Variants in DTX4 observed in about 807,000 individuals in gnomAD.
The protein encoded by DTX4 is deltex E3 ubiquitin ligase 4.
A neutral mutation model predicts 57.6 loss-of-function variants in DTX4; 28 were observed. The observed-to-expected ratio is 0.49, with a 90% CI of 0.36 to 0.67. DTX4 has a LOEUF of 0.67. Among genes scored for constraint, DTX4 ranks in the 30% least tolerant of loss-of-function variants. The probability of loss-of-function intolerance (pLI) is 0.00; values close to 1 mark genes in which losing one functional copy is unlikely to be tolerated. For synonymous variants in DTX4, 316 were observed against 331.0 expected, an observed-to-expected ratio of 0.95 and a Z score of 0.49; for missense variants, 715 against 836.8, an observed-to-expected ratio of 0.85 and a Z score of 1.80.
At chr11:59,197,247 G>T (rs1862683661) in intron 7 of DTX4, among the ~76,000 whole-genome samples, 1 of 152,172 alleles carries the variant, frequency 6.6e-6, no homozygotes. Flanking sequence ...TGTCTGGAAG[G>T]GTTAGAGGAG....
rs542889400 is a variant in DTX4, at chr11:59,182,267, G to A, written c.740G>A (p.Arg247Gln). The change falls in exon 2 of 9, where the codon CGA (arginine) becomes CAA (glutamine). Residue 247 changes from arginine (R) to glutamine (Q), a missense_variant. Transcript: ENST00000227451. ...AKPLDSTGTIRGPLKTAPSQV... is the reference protein window; with the variant it reads ...AKPLDSTGTIQGPLKTAPSQV... Reference sequence around the variant, plus strand: ...CCACTGGACAGCACAGGCACCATTCGAGGCCCACTGAAGACCGCCCCATCG... The same window carrying A: ...CCACTGGACAGCACAGGCACCATTCAAGGCCCACTGAAGACCGCCCCATCG... The A allele has an allele frequency of 7.4e-6, 12 of 1,612,218 alleles. No homozygotes were observed. The highest frequency in any genetic ancestry group is 4.5e-5 in the East Asian group (2 of 44,884).
rs1862593200 is a variant in DTX4 at position 59,191,167 on chromosome 11, C to A, written c.1213C>A (p.Pro405Thr). 1 of 1,571,042 alleles carries A rather than the reference C, an allele frequency of 6.4e-7. No homozygotes were observed. The highest frequency in any genetic ancestry group is 2.4e-5 in the East Asian group (1 of 42,356). Residue 405 changes from proline (P) to threonine (T), a missense_variant, in exon 5 of 9, where the codon CCA becomes ACA. By Grantham distance (38) the Pro-to-Thr change is conservative (BLOSUM62 -1). Coordinates refer to ENST00000227451, the MANE Select transcript of DTX4 (RefSeq NM_015177.2). ...KKYLQKVRHP[P>T]DEDCTICMER... The stretch of plus-strand genomic sequence containing the variant: ...ATATCTACAGAAAGTCCGGCACCCA[C>A]CAGATGAGGTGAGTTCAGGGTTAGA...
intron 1 of DTX4, among the ~76,000 whole-genome samples, chr11:59,178,783 T>A (rs1453742203): frequency 1.3e-5 from 2 of 152,130 alleles, no homozygotes; most frequent in African/African-American, 4.8e-5. Flanking sequence ...GCTTGAGACC[T>A]GAATGGTAAG....
chr11:59,177,853 T>C (rs908492965), intron 1 of DTX4, among the ~76,000 whole-genome samples: 4 of 152,194 alleles, frequency 2.6e-5, no homozygotes, highest in African/African-American at 9.7e-5. Flanking sequence ...CAAACCATCA[T>C]TACTTCATTT....
chr11:59,180,237 A>C (rs912919767), intron 1 of DTX4, among the ~76,000 whole-genome samples: 7 of 152,030 alleles, frequency 4.6e-5, no homozygotes, highest in Non-Finnish European at 1.0e-4. Flanking sequence ...CAAGCTGCGC[A>C]CTTAGGAAGG....
intron 8 of DTX4, among the ~76,000 whole-genome samples, chr11:59,204,260 C>T (rs1862775370): frequency 2.0e-5 from 3 of 152,176 alleles, no homozygotes; most frequent in African/African-American, 7.2e-5. Context: ...GTTCTCAGAT[C>T]ATAAGCGCCT....
intron 2 of DTX4, among the ~76,000 whole-genome samples, chr11:59,182,709 T>A (rs941420493): frequency 1.3e-5 from 2 of 152,148 alleles, no homozygotes; most frequent in African/African-American, 4.8e-5. Context: ...TAGGACCAGA[T>A]CCCTAACGTC....
chr11:59,178,866 G>A (rs936449022), intron 1 of DTX4, among the ~76,000 whole-genome samples: 2 of 152,134 alleles, frequency 1.3e-5, no homozygotes, highest in African/African-American at 2.4e-5. Context: ...GTGGGGAAGG[G>A]AGTCAGGGAA....
intron 1 of DTX4, among the ~76,000 whole-genome samples, chr11:59,181,058 T>C (rs1862456576): frequency 6.6e-6 from 1 of 152,014 alleles, no homozygotes; most frequent in Non-Finnish European, 1.5e-5. Flanking sequence ...CATTTATAAA[T>C]GTATAGAGAT....
In DTX4 at chr11:59,179,486, C is replaced by G. The variant is rs563933358; in HGVS notation, c.212-2253C>G. Among the ~76,000 whole-genome samples, 11 of 152,314 alleles carry G rather than the reference C, an allele frequency of 7.2e-5. No homozygotes were observed. In the East Asian group the frequency reaches 2.1e-3, roughly 29 times the overall value. The stretch of plus-strand genomic sequence containing the variant: ...CAAATGTTGCCTTTTCCAGTACTAC[C>G]TACAGCCTGCCCCTCCCCTATTCTG... On this transcript the variant is annotated intron_variant, in intron 1 of 8. Coordinates refer to ENST00000227451, the MANE Select transcript of DTX4 (RefSeq NM_015177.2).
Position 59,206,644 on chromosome 11 carries a change from G to A in DTX4, c.*1735G>A, listed in dbSNP as rs1347172063. The A allele has an allele frequency of 6.6e-6, 1 of 152,476 alleles. No homozygotes were observed. 9.4% of individuals were successfully genotyped at this position (152,476 alleles called of 1,614,324 possible). A position where few individuals can be genotyped will look rare whatever the true frequency, so the allele number is the denominator to read the frequency against. On this transcript the variant is annotated 3_prime_UTR_variant, in exon 9 of 9. Transcript: ENST00000227451. Reference sequence around the variant, plus strand: ...TGGAGGCCAATCTTTCATAAAGCCAGCCCCATAGCTGCTTGCTGTTAGGCC... The same window carrying A: ...TGGAGGCCAATCTTTCATAAAGCCAACCCCATAGCTGCTTGCTGTTAGGCC...
At chr11:59,188,301 C>T (rs1862554038) in intron 2 of DTX4, among the ~76,000 whole-genome samples, 1 of 152,158 alleles carries the variant, frequency 6.6e-6, no homozygotes, top group African/African-American at 2.4e-5. Flanking sequence ...TCAGGAACCT[C>T]ACCTGATAGG....
chr11:59,204,215 T>C (rs1331449864), intron 8 of DTX4, among the ~76,000 whole-genome samples: 1 of 152,054 alleles, frequency 6.6e-6, no homozygotes, highest in Non-Finnish European at 1.5e-5. Flanking sequence ...TACATTGAGG[T>C]AGTGGTGGCA....
chr11:59,195,790 A>G (rs1286923959), intron 7 of DTX4, among the ~76,000 whole-genome samples: 2 of 152,258 alleles, frequency 1.3e-5, no homozygotes, highest in Non-Finnish European at 2.9e-5. Flanking sequence ...TGATGGGCAT[A>G]TGGATTGTTG....
At position 59,188,721 on chromosome 11, in the gene DTX4, C is replaced by G; in HGVS notation, c.936-14C>G. The G allele has an allele frequency of 6.2e-7, 1 of 1,612,448 alleles. No homozygotes were observed. Among genetic ancestry groups the G allele is most frequent in the Non-Finnish European group, 8.5e-7 (1 of 1,178,528 alleles). ...GTGTCAAAATGACATTGTATCTGCT[C>G]TTTCCTTTCACAGGGTCCCCACAGT... On this transcript the variant is annotated splice_polypyrimidine_tract_variant and intron_variant, in intron 2 of 8. Transcript: ENST00000227451.
chr11:59,178,636 C>T lies in DTX4; in HGVS notation c.212-3103C>T, dbSNP rs12290913. 5.0e-3 allele frequency among the ~76,000 whole-genome samples: 763 copies of T among 152,356 alleles called. 8 individuals carry two copies. The highest frequency in any genetic ancestry group is 0.017 in the African/African-American group (721 of 41,580). On this transcript the variant is annotated intron_variant, in intron 1 of 8. Coordinates refer to ENST00000227451, the MANE Select transcript of DTX4 (RefSeq NM_015177.2). ...AAAGAGCTCCACAGTGGCATTCCTG[C>T]ACCCACTTAAGGCAGGATGGTATGA...
intron 4 of DTX4, among the ~76,000 whole-genome samples, 166 bp downstream of exon 4, chr11:59,189,489 T>G (rs1862570280): frequency 6.6e-6 from 1 of 152,180 alleles, no homozygotes; most frequent in Non-Finnish European, 1.5e-5. Flanking sequence ...ATACCACAGC[T>G]GATGTGTATG....
At chr11:59,194,643 G>C (rs1413129787) in intron 6 of DTX4, among the ~76,000 whole-genome samples, 1 of 152,242 alleles carries the variant, frequency 6.6e-6, no homozygotes, top group East Asian at 1.9e-4. Flanking sequence ...CTGAGACTCA[G>C]AGAAGTTAAT....
chr11:59,204,131 C>T (rs547925008), intron 8 of DTX4, among the ~76,000 whole-genome samples: 1 of 152,228 alleles, frequency 6.6e-6, no homozygotes, highest in Admixed American at 6.5e-5. Context: ...GTTTTCTCAC[C>T]TCGAGAAAGT....
Sources: allele counts gnomAD v4.1 joint callset (sites outside exome capture counted in the v4.1 genomes callset), GRCh38; gene constraint gnomAD v4.1.1; transcripts MANE v1.5; gene names NCBI Gene and HGNC (gene_info 2026-07-23, HGNC 2026-07-21).